The following MEOX2 variants were observed in gnomAD, a reference collection of about 807,000 sequenced individuals.
MEOX2 encodes homeobox protein MOX-2.
MEOX2 carries 11 observed loss-of-function variants against 27.0 expected under a neutral mutation model. The observed-to-expected ratio is 0.41, with a 90% CI of 0.26 to 0.68. The LOEUF (loss-of-function observed/expected upper bound fraction) is 0.68, where lower values mean the gene tolerates loss of function less well. Ranked by LOEUF, MEOX2 falls within the 30% of genes least tolerant of loss-of-function variation. MEOX2 has a pLI of 0.33. For synonymous variants in MEOX2, 189 were observed against 155.4 expected, an observed-to-expected ratio of 1.22 and a Z score of -1.61; for missense variants, 436 against 385.4, an observed-to-expected ratio of 1.13 and a Z score of -1.10.
At chr7:15,615,640 G>T (rs560952517) in intron 2 of MEOX2, among the ~76,000 whole-genome samples, 1 of 151,964 alleles carries the variant, frequency 6.6e-6, no homozygotes, top group African/African-American at 2.4e-5. Flanking sequence ...TTCTACTCTT[G>T]GCTTTACTTC....
intron 1 of MEOX2, among the ~76,000 whole-genome samples, chr7:15,669,768 C>A (rs1323575739): frequency 6.6e-6 from 1 of 152,226 alleles, no homozygotes; most frequent in African/African-American, 2.4e-5. Flanking sequence ...AAAAACTCCT[C>A]TAGTAGCTTC....
chr7:15,638,143 C>T (rs1583757259), intron 1 of MEOX2, among the ~76,000 whole-genome samples: 1 of 151,818 alleles, frequency 6.6e-6, no homozygotes, highest in Admixed American at 6.6e-5. Flanking sequence ...CTCTTTCCAC[C>T]CCTGTGTATT....
At chr7:15,667,517 C>A (rs1361744746) in intron 1 of MEOX2, among the ~76,000 whole-genome samples, 3 of 151,928 alleles carry the variant, frequency 2.0e-5, no homozygotes, top group Non-Finnish European at 4.4e-5. Flanking sequence ...TCTTAGTGTA[C>A]CCAAAGCGTA....
rs545864177 is a variant in MEOX2, at chr7:15,655,657, G to A, written c.518-28739C>T. ...ATATTTAGAAGTGTGTGTAATTTCT[G>A]TGTTTGGAAATTTTCTTGTTATTAA... On this transcript the variant is annotated intron_variant, in intron 1 of 2. Coordinates refer to ENST00000262041, the MANE Select transcript of MEOX2 (RefSeq NM_005924.5). Among the ~76,000 whole-genome samples the A allele has an allele frequency of 1.6e-4, 24 of 151,716 alleles. No individual in the cohort carries two copies. The South Asian group carries it at 4.4e-3, about 28-fold the overall frequency.
At chr7:15,647,019 A>G (rs186085439) in intron 1 of MEOX2, among the ~76,000 whole-genome samples, 2 of 152,134 alleles carry the variant, frequency 1.3e-5, no homozygotes, top group African/African-American at 2.4e-5. Context: ...TATAGTAAGT[A>G]TATATTTATT....
chr7:15,633,800 G>A (rs1166434436), intron 1 of MEOX2, among the ~76,000 whole-genome samples: 1 of 151,766 alleles, frequency 6.6e-6, no homozygotes, highest in Non-Finnish European at 1.5e-5. Context: ...TAACTTATGA[G>A]TATGAATTTT....
At chr7:15,615,856 A>T (rs992825288) in intron 2 of MEOX2, among the ~76,000 whole-genome samples, 9 of 152,078 alleles carry the variant, frequency 5.9e-5, no homozygotes, top group Non-Finnish European at 1.3e-4. Context: ...GCAGAAAAAG[A>T]GGAGAAATAT....
chr7:15,664,072 C>T (rs542951203), intron 1 of MEOX2, among the ~76,000 whole-genome samples: 77 of 152,144 alleles, frequency 5.1e-4, no homozygotes, highest in Admixed American at 9.8e-4. Flanking sequence ...CTTTTAGCAT[C>T]ATGATTGTTA....
chr7:15,682,367 CA>C (rs2115398683), intron 1 of MEOX2, among the ~76,000 whole-genome samples: 1 of 151,700 alleles, frequency 6.6e-6, no homozygotes, highest in Non-Finnish European at 1.5e-5. Context: ...GTTTAAGTTC[CA>C]ACTTATTAAA....
At chr7:15,628,906 A>G (rs146679575) in intron 1 of MEOX2, among the ~76,000 whole-genome samples, 2 of 152,154 alleles carry the variant, frequency 1.3e-5, no homozygotes, top group African/African-American at 4.8e-5. Context: ...AGATAGCAAG[A>G]CCTTCTCACA....
At chr7:15,619,784 G>A (rs929834086) in intron 2 of MEOX2, among the ~76,000 whole-genome samples, 8 of 151,740 alleles carry the variant, frequency 5.3e-5, no homozygotes, top group African/African-American at 1.2e-4. Context: ...TAAAGGTAAC[G>A]TTTATTTTTC....
chr7:15,626,722 T>C, intron 2 of MEOX2, 24 bp downstream of exon 2: 3 of 1,577,588 alleles, frequency 1.9e-6, no homozygotes, highest in Non-Finnish European at 1.7e-6. Context: ...AAAAAGATCA[T>C]ATAATGATAA....
At chr7:15,629,911 C>A (rs1211489981) in intron 1 of MEOX2, among the ~76,000 whole-genome samples, 1 of 151,898 alleles carries the variant, frequency 6.6e-6, no homozygotes, top group African/African-American at 2.4e-5. Flanking sequence ...CATCAGTTTC[C>A]ATCTGTTTCC....
At chr7:15,681,536 C>T (rs1325702624) in intron 1 of MEOX2, 9 of 151,660 alleles carry the variant, frequency 5.9e-5, no homozygotes, top group African/African-American at 1.9e-4. Flanking sequence ...TTCTCAGAAT[C>T]TAAGAGAAAG....
At chr7:15,637,488 G>A (rs1054237026) in intron 1 of MEOX2, among the ~76,000 whole-genome samples, 1 of 151,568 alleles carries the variant, frequency 6.6e-6, no homozygotes, top group Non-Finnish European at 1.5e-5. Context: ...AAGAGGATGT[G>A]CTTACTCCTA....
intron 2 of MEOX2, among the ~76,000 whole-genome samples, chr7:15,621,707 T>C (rs938116513): frequency 1.3e-5 from 2 of 152,216 alleles, no homozygotes; most frequent in African/African-American, 4.8e-5. Flanking sequence ...ATAACATCAG[T>C]GATAGACATG....
intron 1 of MEOX2, among the ~76,000 whole-genome samples, chr7:15,644,284 T>G (rs1451743573): frequency 6.6e-6 from 1 of 152,134 alleles, no homozygotes; most frequent in Non-Finnish European, 1.5e-5. Context: ...CCTCTGCCAA[T>G]CCAAAGGTCT....
intron 1 of MEOX2, among the ~76,000 whole-genome samples, chr7:15,661,850 A>T (rs1177134795): frequency 6.6e-6 from 1 of 152,192 alleles, no homozygotes; most frequent in Admixed American, 6.5e-5. Flanking sequence ...GTAACAGATA[A>T]TGACTGGCTG....
At chr7:15,633,977 A>G (rs1031817435) in intron 1 of MEOX2, among the ~76,000 whole-genome samples, 1 of 151,946 alleles carries the variant, frequency 6.6e-6, no homozygotes, top group African/African-American at 2.4e-5. Flanking sequence ...AGTATCATTT[A>G]TTATTGCTTT....
Sources: allele counts gnomAD v4.1 joint callset (sites outside exome capture counted in the v4.1 genomes callset), GRCh38; gene constraint gnomAD v4.1.1; transcripts MANE v1.5; gene names NCBI Gene and HGNC (gene_info 2026-07-23, HGNC 2026-07-21).